The following ELMO1 variants were observed in gnomAD, a reference collection of about 807,000 sequenced individuals.
ELMO1 encodes the protein engulfment and cell motility 1.
ELMO1 carries 26 observed loss-of-function variants against 98.9 expected under a neutral mutation model. That is an observed-to-expected ratio of 0.26 (90% CI 0.19 to 0.36). The LOEUF is 0.36. Among genes scored for constraint, ELMO1 ranks in the 10% least tolerant of loss-of-function variants. The pLI is 1.00. For missense variants in ELMO1, 627 were observed against 935.2 expected (o/e 0.67, Z 4.30); for synonymous variants, 346 against 346.0 (o/e 1.00, Z 0.00).
At chr7:37,162,003 A>T (rs1199537677) in intron 13 of ELMO1, among the ~76,000 whole-genome samples, 2 of 143,010 alleles carry the variant, frequency 1.4e-5, no homozygotes, top group Admixed American at 7.2e-5. Flanking sequence ...CAACACAAAA[A>T]AAAAGGGGAG....
chr7:37,016,767 C>T (rs1483409028), intron 15 of ELMO1, among the ~76,000 whole-genome samples: 5 of 152,180 alleles, frequency 3.3e-5, no homozygotes, highest in African/African-American at 4.8e-5. Flanking sequence ...GAAGATATTA[C>T]TAACTTCTTT....
intron 13 of ELMO1, among the ~76,000 whole-genome samples, chr7:37,158,637 TA>T (rs1353184301): frequency 7.2e-5 from 11 of 152,162 alleles, no homozygotes; most frequent in African/African-American, 2.4e-4. Context: ...TGGCGATCAT[TA>T]AAAAGTCAGG....
chr7:36,991,801 A>G (rs1009981689), intron 16 of ELMO1, among the ~76,000 whole-genome samples: 1 of 152,200 alleles, frequency 6.6e-6, no homozygotes, highest in East Asian at 1.9e-4. Context: ...AAAAATGCAG[A>G]TGCAGTGCTT....
At chr7:36,909,565 A>C (rs1435124287) in intron 16 of ELMO1, among the ~76,000 whole-genome samples, 1 of 152,254 alleles carries the variant, frequency 6.6e-6, no homozygotes, top group East Asian at 1.9e-4. Flanking sequence ...GATCATTTAA[A>C]TTAATTGGTT....
intron 16 of ELMO1, among the ~76,000 whole-genome samples, chr7:36,909,123 A>T (rs1784167443): frequency 6.6e-6 from 1 of 152,224 alleles, no homozygotes. Context: ...AGAATGTGAG[A>T]GTTGAATGAA....
intron 4 of ELMO1, among the ~76,000 whole-genome samples, chr7:37,305,576 A>C (rs1034260765): frequency 6.6e-6 from 1 of 152,220 alleles, no homozygotes. Flanking sequence ...ATTAAGATTC[A>C]TTTATTCACT....
At chr7:37,205,397 A>G (rs1225626285) in intron 13 of ELMO1, among the ~76,000 whole-genome samples, 2 of 152,200 alleles carry the variant, frequency 1.3e-5, no homozygotes, top group African/African-American at 4.8e-5. Flanking sequence ...CCTATTTAGT[A>G]TATGTTGTTG....
intron 16 of ELMO1, among the ~76,000 whole-genome samples, chr7:36,910,916 C>T (rs2129066119): frequency 6.6e-6 from 1 of 152,216 alleles, no homozygotes; most frequent in Non-Finnish European, 1.5e-5. Context: ...ATTTTTCCCC[C>T]AAAATGAGCT....
chr7:37,081,597 C>G (rs191495605), intron 15 of ELMO1, among the ~76,000 whole-genome samples: 96 of 152,280 alleles, frequency 6.3e-4, no homozygotes, highest in Admixed American at 1.8e-3. Flanking sequence ...GCAAGTCTCA[C>G]GAGACAAGGG....
chr7:37,147,766 C>T (rs545842333), intron 13 of ELMO1, among the ~76,000 whole-genome samples: 3 of 145,900 alleles, frequency 2.1e-5, no homozygotes, highest in Non-Finnish European at 1.5e-5. Context: ...CACAAGAAAT[C>T]GTGCACACAA....
intron 8 of ELMO1, among the ~76,000 whole-genome samples, chr7:37,231,942 T>C (rs552606580): frequency 1.2e-3 from 182 of 152,162 alleles, no homozygotes; most frequent in Middle Eastern, 3.4e-3. Context: ...AACCTCTGCC[T>C]CCCAGGCTCA....
intron 16 of ELMO1, among the ~76,000 whole-genome samples, chr7:36,896,425 T>C (rs1055170815): frequency 6.6e-6 from 1 of 152,252 alleles, no homozygotes; most frequent in African/African-American, 2.4e-5. Context: ...AGGATCATTA[T>C]AATAGAAGTG....
chr7:37,276,500 A>ACAGG (rs1796842111), intron 4 of ELMO1, among the ~76,000 whole-genome samples: 1 of 152,038 alleles, frequency 6.6e-6, no homozygotes, highest in Non-Finnish European at 1.5e-5. Context: ...AGTCCCAGCT[A>ACAGG]CTCGGGAGGC....
chr7:37,101,675 G>A (rs1784651166), intron 14 of ELMO1, among the ~76,000 whole-genome samples: 1 of 152,000 alleles, frequency 6.6e-6, no homozygotes, highest in Non-Finnish European at 1.5e-5. Flanking sequence ...TGCTGGTATA[G>A]CCTGCCTCAG....
chr7:37,356,734 A>G (rs969523445), intron 1 of ELMO1, among the ~76,000 whole-genome samples: 10 of 151,996 alleles, frequency 6.6e-5, no homozygotes, highest in African/African-American at 1.9e-4. Context: ...CATTCTGCAC[A>G]TGTATCCCAG....
chr7:36,929,255 T>C (rs1247737070), intron 16 of ELMO1, among the ~76,000 whole-genome samples: 1 of 152,170 alleles, frequency 6.6e-6, no homozygotes, highest in Non-Finnish European at 1.5e-5. Context: ...GACTCTTTCA[T>C]CCACATAGAA....
intron 2 of ELMO1, among the ~76,000 whole-genome samples, chr7:37,319,365 A>G (rs1799363167): frequency 6.6e-6 from 1 of 152,172 alleles, no homozygotes; most frequent in Admixed American, 6.5e-5. Flanking sequence ...AGGTGCTAAC[A>G]GGTTATGTAG....
At chr7:37,395,164 G>A (rs765319835) in intron 1 of ELMO1, among the ~76,000 whole-genome samples, 2 of 152,124 alleles carry the variant, frequency 1.3e-5, no homozygotes, top group Admixed American at 6.5e-5. Context: ...TCGGGAGTTT[G>A]AGACCAGCCT....
chr7:36,949,470 C>T (rs1787787907), intron 16 of ELMO1, among the ~76,000 whole-genome samples: 1 of 152,006 alleles, frequency 6.6e-6, no homozygotes, highest in African/African-American at 2.4e-5. Flanking sequence ...TGGCCACACC[C>T]TCTCTCGGTG....
Sources: allele counts gnomAD v4.1 joint callset (sites outside exome capture counted in the v4.1 genomes callset), GRCh38; gene constraint gnomAD v4.1.1; transcripts MANE v1.5; gene names NCBI Gene and HGNC (gene_info 2026-07-23, HGNC 2026-07-21).